The following SCD5 variants were observed in gnomAD, a reference collection of about 807,000 sequenced individuals.
SCD5 encodes acyl-CoA-desaturase 4.
SCD5 carries 20 observed loss-of-function variants against 30.4 expected under a neutral mutation model. The observed-to-expected ratio is 0.66, with a 90% CI of 0.46 to 0.96. The LOEUF (loss-of-function observed/expected upper bound fraction) is 0.96, where lower values mean the gene tolerates loss of function less well. Ranked by LOEUF, SCD5 falls within the 40% of genes least tolerant of loss-of-function variation. SCD5 has a pLI of 0.00. For synonymous variants in SCD5, 173 were observed against 176.4 expected (o/e 0.98, Z 0.16); for missense variants, 381 against 443.3 (o/e 0.86, Z 1.26).
At chr4:82,758,591 C>T (rs1181645700) in intron 1 of SCD5, among the ~76,000 whole-genome samples, 5 of 152,098 alleles carry the variant, frequency 3.3e-5, no homozygotes, top group Non-Finnish European at 5.9e-5. Context: ...ATTTGAGGGA[C>T]GTAATATGAC....
intron 1 of SCD5, among the ~76,000 whole-genome samples, chr4:82,765,662 G>C (rs916307319): frequency 1.3e-4 from 20 of 150,900 alleles, no homozygotes; most frequent in Non-Finnish European, 2.7e-4. Context: ...TGTCACCCAA[G>C]CTGGAGTGCA....
chr4:82,789,553 A>C (rs1026328979), intron 1 of SCD5, among the ~76,000 whole-genome samples: 4 of 152,210 alleles, frequency 2.6e-5, no homozygotes, highest in Non-Finnish European at 4.4e-5. Context: ...CCACACTTTG[A>C]GTAGCAAGGC....
intron 1 of SCD5, among the ~76,000 whole-genome samples, chr4:82,743,599 G>A (rs1197698607): frequency 6.6e-6 from 1 of 151,994 alleles, no homozygotes; most frequent in Non-Finnish European, 1.5e-5. Context: ...CGGGCTCACC[G>A]CAACTTCTAC....
At chr4:82,700,506 T>C (rs1363217351) in intron 2 of SCD5, among the ~76,000 whole-genome samples, 2 of 152,176 alleles carry the variant, frequency 1.3e-5, no homozygotes, top group Non-Finnish European at 2.9e-5. Flanking sequence ...ACCAGGTTTC[T>C]CTTCAGAAAC....
chr4:82,712,070 TCAC>T (rs1335412834), intron 1 of SCD5, among the ~76,000 whole-genome samples: 1 of 149,928 alleles, frequency 6.7e-6, no homozygotes, highest in Non-Finnish European at 1.5e-5. Context: ...CATTTAATAC[TCAC>T]CACAAGTGTA....
intron 1 of SCD5, among the ~76,000 whole-genome samples, chr4:82,729,569 C>T (rs146314587): frequency 1.8e-3 from 279 of 151,960 alleles, no homozygotes; most frequent in African/African-American, 4.1e-3. Context: ...TTTGAATTGA[C>T]GGAAGGGGGG....
At chr4:82,698,660 C>T (rs1719749575) in intron 2 of SCD5, among the ~76,000 whole-genome samples, 1 of 152,160 alleles carries the variant, frequency 6.6e-6, no homozygotes, top group African/African-American at 2.4e-5. Flanking sequence ...GCCACGCTGG[C>T]CATCTTTCTG....
chr4:82,763,800 G>A (rs1276527268), intron 1 of SCD5, among the ~76,000 whole-genome samples: 1 of 152,154 alleles, frequency 6.6e-6, no homozygotes, highest in Non-Finnish European at 1.5e-5. Flanking sequence ...TCTAGTCTGT[G>A]GTATTTTGTT....
At chr4:82,631,618 G>T in intron 4 of SCD5, 101 bp from the exon 5 acceptor site, 1 of 1,264,258 alleles carries the variant, frequency 7.9e-7, no homozygotes, top group Non-Finnish European at 1.1e-6. Context: ...GCAGGACATG[G>T]TGTCAGCCTC....
intron 2 of SCD5, among the ~76,000 whole-genome samples, chr4:82,694,130 C>T (rs779972425): frequency 6.6e-6 from 1 of 152,222 alleles, no homozygotes; most frequent in Non-Finnish European, 1.5e-5. Flanking sequence ...ACACTGTCCA[C>T]CCAGGCATGT....
In SCD5 at chr4:82,763,788, C is replaced by T. The variant is rs139642050; in HGVS notation, c.232+34518G>A. ...GTGAGACACATCTCTTTATTTAACC[C>T]ATCTAGTCTGTGGTATTTTGTTATA... On this transcript the variant is annotated intron_variant, in intron 1 of 4. Transcript: ENST00000319540. 4.3e-4 allele frequency among the ~76,000 whole-genome samples: 66 copies of T among 152,330 alleles called. 1 individual carries two copies. In the East Asian group the frequency reaches 0.012, roughly 27 times the overall value.
rs138127432 is a variant in SCD5, at chr4:82,660,220, G to T, written c.569+20487C>A. The T allele has an allele frequency of 3.9e-3, 596 of 153,734 alleles. 3 individuals are homozygous for T. The highest frequency in any genetic ancestry group is 4.3e-3 in the Non-Finnish European group (301 of 69,390). The allele number at this position is 153,734 out of a possible 1,614,324, so 9.5% of individuals were successfully genotyped here. On this transcript the variant is annotated intron_variant, in intron 3 of 4. Coordinates refer to ENST00000319540, the MANE Select transcript of SCD5 (RefSeq NM_001037582.3). ...AGACTTAGACTCCCATATAATAATAGTGGGAGACTTTAATACCCCACTGTC... is the reference window on the plus strand; with the variant it reads ...AGACTTAGACTCCCATATAATAATATTGGGAGACTTTAATACCCCACTGTC...
At chr4:82,765,622 C>CG (rs1312333620) in intron 1 of SCD5, among the ~76,000 whole-genome samples, 1 of 144,394 alleles carries the variant, frequency 6.9e-6, no homozygotes, top group African/African-American at 2.5e-5. Flanking sequence ...GTTATTTTTC[C>CG]TTTTTTTTTT....
At chr4:82,749,580 C>A (rs931898093) in intron 1 of SCD5, among the ~76,000 whole-genome samples, 2 of 152,230 alleles carry the variant, frequency 1.3e-5, no homozygotes, top group Non-Finnish European at 2.9e-5. Flanking sequence ...TTGGGCCAAA[C>A]AGGCAATGTT....
chr4:82,641,663 G>C (rs1727549677), intron 3 of SCD5, among the ~76,000 whole-genome samples: 1 of 151,868 alleles, frequency 6.6e-6, no homozygotes, highest in Non-Finnish European at 1.5e-5. Flanking sequence ...AAGAGGGAGG[G>C]TTGTAGGAGA....
intron 3 of SCD5, among the ~76,000 whole-genome samples, chr4:82,664,221 T>C (rs1279571996): frequency 6.6e-6 from 1 of 152,188 alleles, no homozygotes. Flanking sequence ...CAGTGAAGTC[T>C]GTGGTGCACT....
chr4:82,685,975 A>G (rs2148822747), intron 2 of SCD5, among the ~76,000 whole-genome samples: 2 of 151,310 alleles, frequency 1.3e-5, no homozygotes, highest in Middle Eastern at 7.0e-3. Context: ...TGACTACCAC[A>G]CTGAGCAGTG....
At chr4:82,796,565 G>T (rs1417672202) in intron 1 of SCD5, among the ~76,000 whole-genome samples, 1 of 152,140 alleles carries the variant, frequency 6.6e-6, no homozygotes, top group Admixed American at 6.5e-5. Flanking sequence ...CAGTGCCAGG[G>T]TCTTGGGGCT....
chr4:82,687,327 C>T (rs1169267387), intron 2 of SCD5, among the ~76,000 whole-genome samples: 3 of 152,102 alleles, frequency 2.0e-5, no homozygotes, highest in African/African-American at 7.2e-5. Flanking sequence ...TGCAGTGGTT[C>T]TCTCTAGGAA....
Sources: gnomAD v4.1 joint callset for allele counts (sites outside exome capture counted in the v4.1 genomes callset) on GRCh38, gnomAD v4.1.1 for gene constraint, MANE v1.5 for transcripts, NCBI Gene and HGNC (gene_info 2026-07-23, HGNC 2026-07-21) for gene names.